FBXL20: variants seen among roughly 807,000 people sequenced by gnomAD.
FBXL20 encodes F-box/LRR-repeat protein 20.
In FBXL20, 11 loss-of-function variants were observed where a neutral mutation model predicts 64.0. That is an observed-to-expected ratio of 0.17 (90% confidence interval 0.11 to 0.28). The LOEUF (loss-of-function observed/expected upper bound fraction) is 0.28, where lower values mean the gene tolerates loss of function less well. FBXL20 is among the 10% of genes least tolerant of loss of function. The probability of loss-of-function intolerance (pLI) is 1.00; values close to 1 mark genes in which losing one functional copy is unlikely to be tolerated. For missense variants in FBXL20, 303 were observed against 526.2 expected (o/e 0.58, Z 4.15); for synonymous variants, 184 against 189.0 (o/e 0.97, Z 0.22).
intron 2 of FBXL20, among the ~76,000 whole-genome samples, chr17:39,340,139 G>A (rs1244803836): frequency 6.6e-6 from 1 of 151,862 alleles, no homozygotes; most frequent in Non-Finnish European, 1.5e-5. Flanking sequence ...GCTCTGTTGT[G>A]AGGCTGGAGC....
chr17:39,318,716 G>C (rs1488257012), intron 2 of FBXL20, among the ~76,000 whole-genome samples: 2 of 151,896 alleles, frequency 1.3e-5, no homozygotes, highest in African/African-American at 4.8e-5. Context: ...CTCCAGCCTG[G>C]GCAACAAGAG....
chr17:39,280,235 CAA>C (rs35241441), intron 9 of FBXL20, among the ~76,000 whole-genome samples: 5 of 105,372 alleles, frequency 4.7e-5, no homozygotes, highest in Admixed American at 1.1e-4. Context: ...GACTCCGTCT[CAA>C]AAAAAAAAAA....
intron 2 of FBXL20, among the ~76,000 whole-genome samples, chr17:39,314,296 T>C (rs1427955663): frequency 6.6e-6 from 1 of 152,212 alleles, no homozygotes; most frequent in East Asian, 1.9e-4. Context: ...TATCCTACTG[T>C]ATCCATTCTC....
At chr17:39,278,698 C>T (rs1294044785) in intron 9 of FBXL20, among the ~76,000 whole-genome samples, 2 of 150,362 alleles carry the variant, frequency 1.3e-5, no homozygotes, top group Non-Finnish European at 3.0e-5. Context: ...CGGGCACACA[C>T]CACTACGCCC....
At chr17:39,375,641 C>T (rs371418197) in intron 1 of FBXL20, among the ~76,000 whole-genome samples, 2 of 152,246 alleles carry the variant, frequency 1.3e-5, no homozygotes, top group East Asian at 3.9e-4. Context: ...CTTATATGTA[C>T]CCCACAAATA....
At chr17:39,345,526 T>C (rs1036933144) in intron 1 of FBXL20, among the ~76,000 whole-genome samples, 5 of 151,144 alleles carry the variant, frequency 3.3e-5, no homozygotes, top group African/African-American at 7.4e-5. Context: ...GCCCCTCAAT[T>C]TCATTTAAAG....
intron 1 of FBXL20, among the ~76,000 whole-genome samples, chr17:39,366,187 C>T (rs1243819973): frequency 1.3e-5 from 2 of 151,848 alleles, no homozygotes; most frequent in African/African-American, 2.4e-5. Flanking sequence ...ATTAAGCGTC[C>T]GTGTGAATAT....
intron 1 of FBXL20, among the ~76,000 whole-genome samples, chr17:39,382,866 T>G (rs1176708591): frequency 6.6e-6 from 1 of 151,056 alleles, no homozygotes; most frequent in Non-Finnish European, 1.5e-5. Flanking sequence ...TTTTAAAAAT[T>G]TAAGAAAAGG....
intron 1 of FBXL20, among the ~76,000 whole-genome samples, chr17:39,347,554 A>G (rs949000340): frequency 1.3e-5 from 2 of 151,964 alleles, no homozygotes; most frequent in African/African-American, 4.8e-5. Flanking sequence ...TTTTTCTTGT[A>G]AATTTGTTTA....
chr17:39,309,729 T>A (rs939190453), intron 2 of FBXL20, among the ~76,000 whole-genome samples: 1 of 149,640 alleles, frequency 6.7e-6, no homozygotes, highest in Non-Finnish European at 1.5e-5. Flanking sequence ...GAGGCGCAGG[T>A]TGCAGTGAGC....
chr17:39,272,247 A>G (rs1305911846), intron 10 of FBXL20, among the ~76,000 whole-genome samples: 1 of 151,926 alleles, frequency 6.6e-6, no homozygotes, highest in Non-Finnish European at 1.5e-5. Context: ...TTAGTCAGGC[A>G]TGGTGGTGGG....
At chr17:39,305,602 C>T (rs928202532) in intron 2 of FBXL20, among the ~76,000 whole-genome samples, 2 of 152,070 alleles carry the variant, frequency 1.3e-5, no homozygotes, top group African/African-American at 4.8e-5. Context: ...GTAATTCCAC[C>T]ATTTTGGGAT....
At chr17:39,359,639 G>A (rs1048046659) in intron 1 of FBXL20, among the ~76,000 whole-genome samples, 8 of 152,004 alleles carry the variant, frequency 5.3e-5, no homozygotes, top group African/African-American at 1.9e-4. Flanking sequence ...ACAAGTGTTG[G>A]TGAGAATGTG....
chr17:39,362,342 G>A (rs2047804622), intron 1 of FBXL20, among the ~76,000 whole-genome samples: 2 of 152,108 alleles, frequency 1.3e-5, no homozygotes, highest in East Asian at 1.9e-4. Flanking sequence ...GCTCATACCT[G>A]TAATCCCAGC....
intron 9 of FBXL20, 68 bp from the exon 10 acceptor site, chr17:39,275,168 A>G: frequency 6.8e-7 from 1 of 1,478,786 alleles, no homozygotes; most frequent in South Asian, 1.3e-5. Flanking sequence ...GAAAAAAATG[A>G]TAGCTCTGTG....
In FBXL20 at chr17:39,297,203, G is replaced by A; in HGVS notation, c.330-8C>T. The A allele has an allele frequency of 6.3e-7, 1 of 1,599,592 alleles. No individual in the cohort carries two copies. On this transcript the variant is annotated splice_region_variant and splice_polypyrimidine_tract_variant and intron_variant, in intron 5 of 14. Transcript: ENST00000264658. ...CAGTTTTGTGCAAAGGTTCTTTGTAGGAAAGAAAGTAAGAGGTTTCAAATG... is the reference window on the plus strand; with the variant it reads ...CAGTTTTGTGCAAAGGTTCTTTGTAAGAAAGAAAGTAAGAGGTTTCAAATG...
At chr17:39,301,688 A>T (rs945956115) in intron 3 of FBXL20, among the ~76,000 whole-genome samples, 2 of 151,884 alleles carry the variant, frequency 1.3e-5, no homozygotes, top group Non-Finnish European at 2.9e-5. Context: ...AGATTGTGCC[A>T]CTGCACTCCA....
chr17:39,377,803 T>C (rs1300390490), intron 1 of FBXL20, among the ~76,000 whole-genome samples: 1 of 152,124 alleles, frequency 6.6e-6, no homozygotes, highest in Admixed American at 6.6e-5. Flanking sequence ...GTGCCCAGCC[T>C]GCAAGTCCTG....
At chr17:39,283,375 CCTTT>C (rs1384614874) in intron 7 of FBXL20, among the ~76,000 whole-genome samples, 4 of 152,054 alleles carry the variant, frequency 2.6e-5, no homozygotes, top group African/African-American at 7.2e-5. Flanking sequence ...GTGAGCAGTT[CCTTT>C]GAGTGTCACA....
Sources: gnomAD v4.1 joint callset for allele counts (sites outside exome capture counted in the v4.1 genomes callset) on GRCh38, gnomAD v4.1.1 for gene constraint, MANE v1.5 for transcripts, NCBI Gene and HGNC (gene_info 2026-07-23, HGNC 2026-07-21) for gene names.